The following PTPRD variants were observed in gnomAD, a reference collection of about 807,000 sequenced individuals.
PTPRD encodes protein tyrosine phosphatase receptor type D, also known as receptor-type tyrosine-protein phosphatase delta.
Under a neutral mutation model 214.5 loss-of-function variants are expected in PTPRD, and 34 were observed. The ratio of observed to expected loss-of-function variants is 0.16; its 90% CI spans 0.12 to 0.21. The LOEUF is 0.21. Among genes scored for constraint, PTPRD ranks in the 10% least tolerant of loss-of-function variants. The pLI, the probability that PTPRD is intolerant of heterozygous loss-of-function variation, is 1.00. For missense variants in PTPRD, 2,545 were observed against 2,398.7 expected (o/e 1.06, Z -1.27); for synonymous variants, 1,128 against 845.7 (o/e 1.33, Z -5.79).
At chr9:8,944,156 A>G (rs1350561572) in intron 11 of PTPRD, among the ~76,000 whole-genome samples, 1 of 152,150 alleles carries the variant, frequency 6.6e-6, no homozygotes, top group Non-Finnish European at 1.5e-5. Flanking sequence ...AAAGATGCTC[A>G]ACATCACTGA....
chr9:10,196,811 G>C (rs968281045), intron 3 of PTPRD, among the ~76,000 whole-genome samples: 5 of 147,470 alleles, frequency 3.4e-5, no homozygotes, highest in African/African-American at 1.3e-4. Context: ...ATAGTGTTCA[G>C]AAGTGGGGCT....
chr9:8,389,187 T>G, intron 37 of PTPRD, 45 bp downstream of exon 37: 3 of 1,538,094 alleles, frequency 2.0e-6, no homozygotes, highest in Non-Finnish European at 2.6e-6. Context: ...ATAGGGACTC[T>G]GAGGGAAAAT....
At chr9:10,133,562 G>C (rs12347394) in intron 3 of PTPRD, among the ~76,000 whole-genome samples, 10,898 of 151,342 alleles carry the variant, frequency 0.072, 464 homozygotes, top group Middle Eastern at 0.12. Context: ...CTGTCTACCA[G>C]AATGTAAACT....
At chr9:9,520,371 C>G (rs1338627469) in intron 8 of PTPRD, among the ~76,000 whole-genome samples, 1 of 150,298 alleles carries the variant, frequency 6.7e-6, no homozygotes. Flanking sequence ...AATACTATGA[C>G]AGAATTATCT....
chr9:9,485,970 G>A (rs1230527229), intron 8 of PTPRD, among the ~76,000 whole-genome samples: 2 of 151,794 alleles, frequency 1.3e-5, no homozygotes, highest in South Asian at 4.2e-4. Flanking sequence ...AGCCAACATA[G>A]TGAAACCTCT....
At position 10,363,628 on chromosome 9, in the gene PTPRD, C is replaced by T. The variant is rs552000538; in HGVS notation, c.-599-22611G>A. ...ACACATATTTAACCATTTGAAAAGG[C>T]AAGATATCTTACAGTTAAAATTAGA... is the stretch of plus-strand genomic sequence containing the variant. On this transcript the variant is annotated intron_variant, in intron 2 of 45. Transcript: ENST00000381196. Among the ~76,000 whole-genome samples the T allele has an allele frequency of 1.3e-4, 20 of 152,206 alleles. No homozygotes were observed. The East Asian group carries it at 3.9e-3, about 29-fold the overall frequency.
At chr9:8,548,979 C>T (rs1452145967) in intron 14 of PTPRD, among the ~76,000 whole-genome samples, 1 of 151,988 alleles carries the variant, frequency 6.6e-6, no homozygotes, top group Non-Finnish European at 1.5e-5. Flanking sequence ...ATGTGAGCCA[C>T]CGTGCCCGGG....
At chr9:8,497,385 T>C (rs949341335) in intron 25 of PTPRD, 117 bp from the exon 26 acceptor site, 1 of 789,548 alleles carries the variant, frequency 1.3e-6, no homozygotes, top group Non-Finnish European at 1.9e-6. Flanking sequence ...TAAAGCAGTG[T>C]GTACAATAAA....
At chr9:10,180,759 C>T (rs185215601) in intron 3 of PTPRD, among the ~76,000 whole-genome samples, 187 of 151,780 alleles carry the variant, frequency 1.2e-3, no homozygotes, top group African/African-American at 4.4e-3. Flanking sequence ...GGTGACTCAA[C>T]CTTTGATTAT....
intron 3 of PTPRD, among the ~76,000 whole-genome samples, chr9:10,084,910 T>A (rs925315161): frequency 2.0e-5 from 3 of 151,874 alleles, no homozygotes; most frequent in Non-Finnish European, 2.9e-5. Context: ...AAGATCTCAA[T>A]AGGAGTCTCA....
rs1004355625 is a variant in PTPRD at position 9,422,639 on chromosome 9, G to A, written c.-236-25157C>T. On this transcript the variant is annotated intron_variant, in intron 8 of 45. Coordinates refer to ENST00000381196, the MANE Select transcript of PTPRD (RefSeq NM_002839.4). ...GTAGAGACAGTGATGTCAGATAGAC[G>A]CTGCCACCAACAGAAGCTGGTAGAG... Among the ~76,000 whole-genome samples, 7 of 152,074 alleles carry A rather than the reference G, an allele frequency of 4.6e-5. No homozygotes were observed. The South Asian group carries it at 1.2e-3, about 27-fold the overall frequency.
At chr9:10,071,248 G>T (rs1212955250) in intron 3 of PTPRD, among the ~76,000 whole-genome samples, 1 of 151,966 alleles carries the variant, frequency 6.6e-6, no homozygotes, top group East Asian at 1.9e-4. Context: ...AAGATATTTT[G>T]TATATATGGA....
rs531309107 is a variant in PTPRD at position 9,665,988 on chromosome 9, T to C, written c.-287+68545A>G. 5.3e-5 allele frequency among the ~76,000 whole-genome samples: 8 copies of C among 152,030 alleles called. No individual in the cohort carries two copies. The East Asian group carries it at 1.4e-3, about 26-fold the overall frequency. On this transcript the variant is annotated intron_variant, in intron 7 of 45. Transcript: ENST00000381196. ...ATTATAAAGATATGAAAGTCCTTTA[T>C]CTTTCCAGTTTGAAATAAGTGTTCT...
chr9:10,079,921 A>C (rs2098206048), intron 3 of PTPRD, among the ~76,000 whole-genome samples: 1 of 148,770 alleles, frequency 6.7e-6, no homozygotes, highest in African/African-American at 2.6e-5. Context: ...ATCCAAGGTA[A>C]TTAAATCTTG....
chr9:10,393,220 G>A (rs898561038), intron 2 of PTPRD, among the ~76,000 whole-genome samples: 12 of 151,724 alleles, frequency 7.9e-5, no homozygotes, highest in Non-Finnish European at 1.6e-4. Context: ...ATAAACTTCT[G>A]TAGCAAGTGA....
rs564536443 is a variant in PTPRD at position 9,357,431 on chromosome 9, C to G, written c.-203+40018G>C. Among the ~76,000 whole-genome samples, 4 of 151,282 alleles carry G rather than the reference C, an allele frequency of 2.6e-5. No individual in the cohort carries two copies. In the East Asian group the frequency reaches 5.9e-4, roughly 22 times the overall value. ...GACCTTTTGTCACATGGAGGATGATCTTGTATGTAATCATTAGGTCTGAAA... is the reference window on the plus strand; with the variant it reads ...GACCTTTTGTCACATGGAGGATGATGTTGTATGTAATCATTAGGTCTGAAA... On this transcript the variant is annotated intron_variant, in intron 9 of 45. Transcript: ENST00000381196.
At chr9:10,387,798 T>TA (rs552150325) in intron 2 of PTPRD, among the ~76,000 whole-genome samples, 277 of 127,052 alleles carry the variant, frequency 2.2e-3, no homozygotes, top group South Asian at 7.6e-3. Flanking sequence ...GAATACGATT[T>TA]AAAAAAAAAA....
rs560841009 is a variant in PTPRD at position 9,757,354 on chromosome 9, T to C, written c.-326+9456A>G. On this transcript the variant is annotated intron_variant, in intron 6 of 45. Transcript: ENST00000381196. ...AGATGTAAGGAAGTATACATTGGCA[T>C]CTGCAATTTTTAACACAGCAGCTTC... 2.0e-5 allele frequency among the ~76,000 whole-genome samples: 3 copies of C among 152,316 alleles called. No individual in the cohort carries two copies. In the South Asian group the frequency reaches 6.2e-4, roughly 32 times the overall value.
chr9:9,785,115 A>AT (rs1392308961), intron 5 of PTPRD, among the ~76,000 whole-genome samples: 5 of 151,896 alleles, frequency 3.3e-5, no homozygotes, highest in African/African-American at 4.8e-5. Flanking sequence ...GAAATTGTAT[A>AT]TTTTTGTTTC....
Sources: allele counts gnomAD v4.1 joint callset (sites outside exome capture counted in the v4.1 genomes callset), GRCh38; gene constraint gnomAD v4.1.1; transcripts MANE v1.5; gene names NCBI Gene and HGNC (gene_info 2026-07-23, HGNC 2026-07-21).